Variants in TRIM49C observed in about 807,000 individuals in gnomAD.
The protein encoded by TRIM49C is tripartite motif containing 49C.
Under a neutral mutation model 21.4 loss-of-function variants are expected in TRIM49C, and 6 were observed. The ratio of observed to expected loss-of-function variants is 0.28; its 90% CI spans 0.15 to 0.55. The LOEUF (loss-of-function observed/expected upper bound fraction) is 0.55. Ranked by LOEUF, TRIM49C falls within the 20% of genes least tolerant of loss-of-function variation. The probability of loss-of-function intolerance (pLI) is 0.94; values close to 1 mark genes in which losing one functional copy is unlikely to be tolerated. For synonymous variants in TRIM49C, 57 were observed against 148.1 expected (o/e 0.38, Z 4.47); for missense variants, 161 against 442.4 (o/e 0.36, Z 5.71).
In TRIM49C at chr11:90,035,426, A is replaced by G; in HGVS notation, c.215A>G (p.Lys72Arg). ...INLKTNIHLK[K>R]MASLARKVSL... Reference sequence around the variant, plus strand: ...CTCAAAACCAACATTCATTTGAAGAAGATGGCTTCTCTTGCCAGAAAAGTC... The same window carrying G: ...CTCAAAACCAACATTCATTTGAAGAGGATGGCTTCTCTTGCCAGAAAAGTC... Residue 72 changes from lysine to arginine, a missense_variant, in exon 3 of 8, where the codon AAG (lysine) becomes AGG (arginine). By Grantham distance (26) the Lys-to-Arg change is conservative (BLOSUM62 2). This residue lies in a region of TRIM49C where 80 missense variants were observed against 314.8 expected (regional missense o/e 0.25). Transcript: ENST00000448984. 1 of 1,496,322 alleles carries G rather than the reference A, an allele frequency of 6.7e-7. No individual in the cohort carries two copies. The highest frequency in any genetic ancestry group is 9.0e-7 in the Non-Finnish European group (1 of 1,110,048). 92.7% of individuals were successfully genotyped at this position (1,496,322 alleles called of 1,614,324 possible).
chr11:90,060,207 C>T, the TRIM49C span, among the ~76,000 whole-genome samples: 146 of 139,300 alleles, frequency 1.0e-3, 2 homozygotes, highest in Non-Finnish European at 1.2e-3. Context: ...CACAAGAGAA[C>T]AAATTTTTCA....
the TRIM49C span, chr11:90,052,967 T>C: frequency 7.1e-6 from 1 of 141,036 alleles, no homozygotes; most frequent in South Asian, 2.3e-4. Flanking sequence ...TCTGGGACTC[T>C]GCTGGTCTTC....
At chr11:90,049,038 C>T in the TRIM49C span, among the ~76,000 whole-genome samples, 7,704 of 126,822 alleles carry the variant, frequency 0.061, 1,724 homozygotes, top group Non-Finnish European at 0.074. Flanking sequence ...CCACTCCAGA[C>T]GCTGTTTGCC....
the TRIM49C span, among the ~76,000 whole-genome samples, chr11:90,049,116 C>T: frequency 0.033 from 4,040 of 122,192 alleles, 404 homozygotes; most frequent in Non-Finnish European, 0.044. Flanking sequence ...TGCCTGATCG[C>T]TCCTCTAGAA....
At chr11:90,045,707 C>G (rs618280), downstream of TRIM49C, among the ~76,000 whole-genome samples, 4,258 of 98,214 alleles carry the variant, frequency 0.043, 922 homozygotes, top group African/African-American at 0.18. Flanking sequence ...AACATACAAT[C>G]GTGTCATCTG....
chr11:90,056,125 A>AT, the TRIM49C span, among the ~76,000 whole-genome samples: 28 of 134,792 alleles, frequency 2.1e-4, 1 homozygote, highest in African/African-American at 4.0e-4. Flanking sequence ...CGCCCGGCTA[A>AT]TTTTTTTTGT....
the TRIM49C span, among the ~76,000 whole-genome samples, chr11:90,072,385 C>T: frequency 6.7e-6 from 1 of 148,758 alleles, no homozygotes. Context: ...GTGCCTGAAT[C>T]TGGCATGAAA....
Position 90,039,528 on chromosome 11 carries a change from A to G in TRIM49C, c.762-337A>G, listed in dbSNP as rs866328824. Among the ~76,000 whole-genome samples the G allele has an allele frequency of 9.9e-3, 1,255 of 126,720 alleles. 21 individuals are homozygous for G. The highest frequency in any genetic ancestry group is 0.013 in the Non-Finnish European group (755 of 58,238). 83.1% of individuals were successfully genotyped at this position (126,720 alleles called of 152,430 possible). A position where few individuals can be genotyped will look rare whatever the true frequency, so the allele number is the denominator to read the frequency against. On this transcript the variant is annotated intron_variant, in intron 6 of 7. Transcript: ENST00000448984. Reference sequence around the variant, plus strand: ...AGCAGTGGATGCATCAGTCTCCCCAAAACCCCGCTATTTCAGACAAAGATG... The same window carrying G: ...AGCAGTGGATGCATCAGTCTCCCCAGAACCCCGCTATTTCAGACAAAGATG...
the TRIM49C span, among the ~76,000 whole-genome samples, chr11:90,066,044 G>A: frequency 3.6e-5 from 5 of 137,694 alleles, no homozygotes; most frequent in East Asian, 2.2e-4. Flanking sequence ...CTTTTGAGAC[G>A]GTATCTTGCT....
chr11:90,035,652 G>A, intron 3 of TRIM49C, 30 bp downstream of exon 3: 1 of 1,381,858 alleles, frequency 7.2e-7, no homozygotes, highest in Non-Finnish European at 9.5e-7. Flanking sequence ...ATCGATTTCT[G>A]TAAAGGAAGC....
chr11:90,071,978 AT>A, the TRIM49C span, among the ~76,000 whole-genome samples: 1 of 141,856 alleles, frequency 7.0e-6, no homozygotes, highest in South Asian at 2.4e-4. Context: ...GGAATCAGCC[AT>A]ATAACAAATT....
the TRIM49C span, among the ~76,000 whole-genome samples, chr11:90,054,624 T>A: frequency 7.6e-6 from 1 of 131,532 alleles, no homozygotes; most frequent in African/African-American, 2.8e-5. Flanking sequence ...AGTTCAAGAT[T>A]TCTGGATTAA....
intron 1 of TRIM49C, among the ~76,000 whole-genome samples, chr11:90,031,893 C>G (rs1316868653): frequency 1.5e-5 from 2 of 136,068 alleles, no homozygotes; most frequent in East Asian, 4.6e-4. Context: ...TTTGGAAGGC[C>G]GAGACCAGAG....
chr11:90,055,524 T>A, the TRIM49C span, among the ~76,000 whole-genome samples: 2 of 151,632 alleles, frequency 1.3e-5, no homozygotes, highest in Admixed American at 1.3e-4. Context: ...GTCATTTAAT[T>A]TGTTTTCTGA....
At chr11:90,046,361 C>T (rs1274235657), downstream of TRIM49C, among the ~76,000 whole-genome samples, 1 of 126,456 alleles carries the variant, frequency 7.9e-6, no homozygotes, top group African/African-American at 3.1e-5. Flanking sequence ...ATGGTACCAG[C>T]TCCTCCTTGT....
chr11:90,066,155 G>A, the TRIM49C span, among the ~76,000 whole-genome samples: 3 of 135,370 alleles, frequency 2.2e-5, 1 homozygote, highest in Non-Finnish European at 4.8e-5. Context: ...CAAGTAGCTG[G>A]GATTACAGGC....
At chr11:90,034,820 T>A (rs1178542583) in intron 2 of TRIM49C, among the ~76,000 whole-genome samples, 2 of 134,504 alleles carry the variant, frequency 1.5e-5, no homozygotes, top group South Asian at 5.1e-4. Context: ...TTGGCCTGGA[T>A]AGTTTTTTCC....
At chr11:90,052,867 A>T in the TRIM49C span, 1 of 143,962 alleles carries the variant, frequency 6.9e-6, no homozygotes, top group Admixed American at 7.5e-5. Context: ...TAACGCAGGG[A>T]AGTCATGAAA....
At chr11:90,053,847 C>A in the TRIM49C span, 1 of 142,878 alleles carries the variant, frequency 7.0e-6, no homozygotes, top group African/African-American at 2.5e-5. Flanking sequence ...CCGCCCCAAG[C>A]CCGGCGGAAA....
Sources: allele counts gnomAD v4.1 joint callset (sites outside exome capture counted in the v4.1 genomes callset), GRCh38; gene constraint gnomAD v4.1.1; regional missense constraint gnomAD v4.1.1; transcripts MANE v1.5; gene names NCBI Gene and HGNC (gene_info 2026-07-23, HGNC 2026-07-21).